KIRREL1: variants seen among roughly 807,000 people sequenced by gnomAD.
The protein encoded by KIRREL1 is kirre like nephrin family adhesion molecule 1, also known as kin of IRRE-like protein 1.
A neutral mutation model predicts 83.3 loss-of-function variants in KIRREL1; 25 were observed. The observed-to-expected ratio is 0.30, with a 90% CI of 0.22 to 0.42. The LOEUF (loss-of-function observed/expected upper bound fraction) is 0.42, where lower values mean the gene tolerates loss of function less well. Ranked by LOEUF, KIRREL1 falls within the 10% of genes least tolerant of loss-of-function variation. KIRREL1 has a pLI of 1.00. For missense variants in KIRREL1, 812 were observed against 1,032.3 expected (o/e 0.79, Z 2.92); for synonymous variants, 388 against 410.4 (o/e 0.95, Z 0.66).
chr1:158,014,871 C>A (rs886549320), intron 1 of KIRREL1, among the ~76,000 whole-genome samples: 1 of 152,024 alleles, frequency 6.6e-6, no homozygotes, highest in Non-Finnish European at 1.5e-5. Context: ...GGGTCTTCCT[C>A]GGAAGGGGAG....
At chr1:158,077,887 G>C in intron 2 of KIRREL1, 104 bp from the exon 3 acceptor site, 2 of 1,321,262 alleles carry the variant, frequency 1.5e-6, no homozygotes, top group South Asian at 2.6e-5. Context: ...CTTCTCACCT[G>C]TCAGTGGTGT....
chr1:158,064,449 G>T (rs1476360118), intron 1 of KIRREL1, among the ~76,000 whole-genome samples: 2 of 152,164 alleles, frequency 1.3e-5, no homozygotes, highest in Admixed American at 1.3e-4. Flanking sequence ...TTTGATGGGT[G>T]TAAGTCCAAA....
chr1:157,995,679 G>T (rs1156876927), intron 1 of KIRREL1, among the ~76,000 whole-genome samples: 1 of 152,206 alleles, frequency 6.6e-6, no homozygotes, highest in East Asian at 1.9e-4. Context: ...GGGACAGAAA[G>T]AATTGTGTGT....
rs565480102 is a variant in KIRREL1 at position 158,043,145 on chromosome 1, A to G, written c.53-32968A>G. Reference sequence around the variant, plus strand: ...TCATCATGAGGGTGGGGGCACTCCAACACCTACTGCGAGGAAGCAGTGCTG... The same window carrying G: ...TCATCATGAGGGTGGGGGCACTCCAGCACCTACTGCGAGGAAGCAGTGCTG... On this transcript the variant is annotated intron_variant, in intron 1 of 14. Coordinates refer to ENST00000359209, the MANE Select transcript of KIRREL1 (RefSeq NM_018240.7). 8.9e-4 allele frequency among the ~76,000 whole-genome samples: 135 copies of G among 151,924 alleles called. 2 individuals are homozygous for G. In the South Asian group the frequency reaches 0.013, roughly 15 times the overall value.
intron 1 of KIRREL1, among the ~76,000 whole-genome samples, chr1:158,049,410 G>A (rs1660856658): frequency 6.6e-6 from 1 of 152,174 alleles, no homozygotes; most frequent in Non-Finnish European, 1.5e-5. Flanking sequence ...GGGAGCACAG[G>A]AGCATCCTGA....
At chr1:158,035,413 G>A (rs905225398) in intron 1 of KIRREL1, among the ~76,000 whole-genome samples, 2 of 152,056 alleles carry the variant, frequency 1.3e-5, no homozygotes, top group Admixed American at 6.6e-5. Context: ...GAGGGTCCAG[G>A]GTATCAGGAT....
rs1662336174 is a variant in KIRREL1 at position 158,095,637 on chromosome 1, G to A, written c.*517G>A. ...CTCTCTCCTTCCTCAGGGTACTGCA[G>A]AAGGGAGCGAACAGGGTACTGTTCG... On this transcript the variant is annotated 3_prime_UTR_variant, in exon 15 of 15. Coordinates refer to ENST00000359209, the MANE Select transcript of KIRREL1 (RefSeq NM_018240.7). 1 of 153,560 alleles carries A rather than the reference G, an allele frequency of 6.5e-6. No homozygotes were observed. Among genetic ancestry groups the A allele is most frequent in the African/African-American group, 2.4e-5 (1 of 41,462 alleles). 9.5% of individuals were successfully genotyped at this position (153,560 alleles called of 1,614,324 possible).
chr1:158,059,818 G>A (rs76488166), intron 1 of KIRREL1, among the ~76,000 whole-genome samples: 2,106 of 152,174 alleles, frequency 0.014, 22 homozygotes, highest in South Asian at 0.035. Flanking sequence ...GGCTCTGAGG[G>A]GACTTGAGAT....
chr1:158,066,715 G>T (rs1278610902), intron 1 of KIRREL1, among the ~76,000 whole-genome samples: 2 of 152,154 alleles, frequency 1.3e-5, no homozygotes, highest in African/African-American at 2.4e-5. Flanking sequence ...AGCTTCTGGT[G>T]CCTTTCTCCA....
chr1:158,029,366 T>TGTGTGCGCGC lies in KIRREL1; in HGVS notation c.52+35639_52+35640insTGTGCGCGCG, dbSNP rs1553238087. Among the ~76,000 whole-genome samples, 108 of 149,024 alleles carry TGTGTGCGCGC rather than the reference T, an allele frequency of 7.2e-4. 1 individual carries two copies. The highest frequency in any genetic ancestry group is 2.5e-3 in the African/African-American group (102 of 40,104). On this transcript the variant is annotated intron_variant, in intron 1 of 14. Coordinates refer to ENST00000359209, the MANE Select transcript of KIRREL1 (RefSeq NM_018240.7). The stretch of plus-strand genomic sequence containing the variant: ...GTGTGTGTGTGTGTGTGTGTGTGTG[T>TGTGTGCGCGC]GCACGTGCGCGCGCATGCACACATG...
intron 1 of KIRREL1, among the ~76,000 whole-genome samples, chr1:157,999,665 G>C (rs1036914743): frequency 6.6e-6 from 1 of 151,894 alleles, no homozygotes; most frequent in African/African-American, 2.4e-5. Flanking sequence ...TTTCTTCCCA[G>C]GGCCTCTGGA....
intron 1 of KIRREL1, among the ~76,000 whole-genome samples, chr1:158,014,841 C>G (rs1304160938): frequency 6.6e-6 from 1 of 152,116 alleles, no homozygotes; most frequent in Non-Finnish European, 1.5e-5. Context: ...CTCTAGATCT[C>G]TGAATTGCTA....
intron 1 of KIRREL1, among the ~76,000 whole-genome samples, chr1:158,032,756 C>T (rs1660363521): frequency 6.6e-6 from 1 of 152,044 alleles, no homozygotes; most frequent in Admixed American, 6.6e-5. Flanking sequence ...ATGGGGAATC[C>T]CCACTTTCTT....
chr1:158,089,936 G>C lies in KIRREL1; in HGVS notation c.1272+118G>C, dbSNP rs533402402. 7.4e-6 allele frequency: 6 copies of C among 809,542 alleles called. No homozygotes were observed. The Admixed American group carries it at 1.0e-4, about 14-fold the overall frequency. 50.1% of individuals were successfully genotyped at this position (809,542 alleles called of 1,614,324 possible). On this transcript the variant is annotated intron_variant, in intron 10 of 14. Transcript: ENST00000359209. ...ACTTCCCTGTCCCGTTTCCATCCTC[G>C]AATCTTCTGCTTTCTGTCCCTCTGT...
intron 1 of KIRREL1, among the ~76,000 whole-genome samples, chr1:158,010,361 ACCC>A (rs1553236102): frequency 4.1e-4 from 21 of 51,532 alleles, no homozygotes; most frequent in South Asian, 6.5e-4. Context: ...ACACACACAC[ACCC>A]CACACAGTCC....
At chr1:158,083,753 G>A (rs928138947) in intron 3 of KIRREL1, among the ~76,000 whole-genome samples, 2 of 152,182 alleles carry the variant, frequency 1.3e-5, no homozygotes, top group African/African-American at 4.8e-5. Context: ...AAGACTATGA[G>A]CTGTACTCAG....
intron 1 of KIRREL1, among the ~76,000 whole-genome samples, chr1:158,038,797 G>A (rs1435630380): frequency 6.6e-6 from 1 of 152,150 alleles, no homozygotes; most frequent in African/African-American, 2.4e-5. Context: ...CCCACTAGGG[G>A]CTTTGTTTTG....
At chr1:158,005,448 G>T (rs1659490381) in intron 1 of KIRREL1, among the ~76,000 whole-genome samples, 1 of 151,356 alleles carries the variant, frequency 6.6e-6, no homozygotes. Flanking sequence ...ACCCCACCCT[G>T]CCAAGTCTTC....
chr1:158,001,217 C>T (rs1218396311), intron 1 of KIRREL1, among the ~76,000 whole-genome samples: 8 of 152,144 alleles, frequency 5.3e-5, no homozygotes, highest in Non-Finnish European at 7.4e-5. Context: ...CTTCATTCAG[C>T]GGAAGAGAAT....
Sources: gnomAD v4.1 joint callset for allele counts (sites outside exome capture counted in the v4.1 genomes callset) on GRCh38, gnomAD v4.1.1 for gene constraint, MANE v1.5 for transcripts, NCBI Gene and HGNC (gene_info 2026-07-23, HGNC 2026-07-21) for gene names.